Variants in ERBB4 observed in about 807,000 individuals in gnomAD.
The protein encoded by ERBB4 is receptor tyrosine-protein kinase erbB-4.
A neutral mutation model predicts 158.0 loss-of-function variants in ERBB4; 42 were observed. That is an observed-to-expected ratio of 0.27 (90% CI 0.21 to 0.34). The LOEUF (loss-of-function observed/expected upper bound fraction) is 0.34, where lower values mean the gene tolerates loss of function less well. ERBB4 is among the 10% of genes least tolerant of loss of function. The pLI is 1.00. For missense variants in ERBB4, 1,333 were observed against 1,624.1 expected, an observed-to-expected ratio of 0.82 and a Z score of 3.08; for synonymous variants, 583 against 558.7, an observed-to-expected ratio of 1.04 and a Z score of -0.61.
chr2:211,853,977 C>T, intron 3 of ERBB4, among the ~76,000 whole-genome samples: 1 of 152,056 alleles, frequency 6.6e-6, no homozygotes, highest in Non-Finnish European at 1.5e-5. Flanking sequence ...TCATTCTTAA[C>T]AATATGAACC....
chr2:211,727,083 T>C (rs968244938), intron 5 of ERBB4, among the ~76,000 whole-genome samples: 1 of 152,166 alleles, frequency 6.6e-6, no homozygotes, highest in African/African-American at 2.4e-5. Context: ...TCACTATTGC[T>C]TCTGAACAAG....
At chr2:212,297,529 G>A (rs1156852346) in intron 1 of ERBB4, among the ~76,000 whole-genome samples, 1 of 151,736 alleles carries the variant, frequency 6.6e-6, no homozygotes, top group African/African-American at 2.4e-5. Flanking sequence ...TTTTTATAAA[G>A]GGATAATATA....
chr2:212,279,092 A>C (rs2106143335), intron 1 of ERBB4, among the ~76,000 whole-genome samples: 1 of 151,718 alleles, frequency 6.6e-6, no homozygotes, highest in East Asian at 1.9e-4. Context: ...TTTTAATGCA[A>C]CATAATTTGC....
rs77226359 is a variant in ERBB4 at position 212,352,157 on chromosome 2, G to C, written c.82+186292C>G. Among the ~76,000 whole-genome samples the C allele has an allele frequency of 2.2e-3, 332 of 151,848 alleles. 1 individual carries two copies. Among genetic ancestry groups the C allele is most frequent in the Middle Eastern group, 0.01 (3 of 294 alleles). ...AAAAGAGGAAGACAACAAACACTGG[G>C]GCCTCCTTGAAAATGGAGGGTAGGA... is the stretch of plus-strand genomic sequence containing the variant. On this transcript the variant is annotated intron_variant, in intron 1 of 27. Coordinates refer to ENST00000342788, the MANE Select transcript of ERBB4 (RefSeq NM_005235.3).
intron 3 of ERBB4, among the ~76,000 whole-genome samples, chr2:211,888,697 G>A (rs62184535): frequency 1.3e-4 from 18 of 142,302 alleles, no homozygotes; most frequent in East Asian, 1.1e-3. Flanking sequence ...TGCGCGCACC[G>A]TGCGCGAGCC....
At chr2:212,175,163 TTTCAACTCC>T (rs1170081030) in intron 1 of ERBB4, among the ~76,000 whole-genome samples, 5 of 152,082 alleles carry the variant, frequency 3.3e-5, no homozygotes, top group Non-Finnish European at 5.9e-5. Context: ...ATTTTCTTAC[TTTCAACTCC>T]AGAAACAAGG....
At chr2:212,118,499 G>A (rs2079639019) in intron 2 of ERBB4, among the ~76,000 whole-genome samples, 1 of 152,140 alleles carries the variant, frequency 6.6e-6, no homozygotes. Flanking sequence ...TTTACTAGCA[G>A]TGGAAAAGTA....
At chr2:211,914,742 A>G (rs2079640647) in intron 3 of ERBB4, among the ~76,000 whole-genome samples, 1 of 152,212 alleles carries the variant, frequency 6.6e-6, no homozygotes, top group Non-Finnish European at 1.5e-5. Context: ...CTAAACAAAT[A>G]TAAGCCAAAT....
intron 2 of ERBB4, among the ~76,000 whole-genome samples, chr2:212,045,764 T>C (rs543926432): frequency 6.6e-6 from 1 of 152,314 alleles, no homozygotes; most frequent in South Asian, 2.1e-4. Flanking sequence ...AGAATAGCTT[T>C]TACAATCAAA....
At chr2:212,284,384 C>T (rs1022499078) in intron 1 of ERBB4, among the ~76,000 whole-genome samples, 1 of 152,018 alleles carries the variant, frequency 6.6e-6, no homozygotes, top group Non-Finnish European at 1.5e-5. Context: ...TTAATTCTGC[C>T]GTCAGTCCCA....
intron 3 of ERBB4, among the ~76,000 whole-genome samples, chr2:211,898,914 G>T (rs2079164277): frequency 6.6e-6 from 1 of 152,090 alleles, no homozygotes; most frequent in South Asian, 2.1e-4. Flanking sequence ...AAAACAAGTG[G>T]CATGGAATCT....
At chr2:211,749,329 C>T (rs943923759) in intron 5 of ERBB4, among the ~76,000 whole-genome samples, 2 of 152,156 alleles carry the variant, frequency 1.3e-5, no homozygotes, top group African/African-American at 4.8e-5. Flanking sequence ...CATACACATG[C>T]ATGGGTTGAA....
At chr2:211,565,790 C>T (rs981124493) in intron 19 of ERBB4, among the ~76,000 whole-genome samples, 1 of 152,046 alleles carries the variant, frequency 6.6e-6, no homozygotes, top group Non-Finnish European at 1.5e-5. Flanking sequence ...CATGGGAACA[C>T]GCCTGGAGAA....
chr2:211,983,826 G>A (rs1031779851), intron 2 of ERBB4, among the ~76,000 whole-genome samples: 1 of 151,906 alleles, frequency 6.6e-6, no homozygotes, highest in African/African-American at 2.4e-5. Flanking sequence ...TGAATATTGT[G>A]GAAGTTATCA....
At chr2:211,532,772 T>A (rs1341816069) in intron 20 of ERBB4, among the ~76,000 whole-genome samples, 1 of 151,824 alleles carries the variant, frequency 6.6e-6, no homozygotes, top group Admixed American at 6.6e-5. Context: ...ACATTTTGAG[T>A]GTTTAATCTT....
chr2:212,466,373 C>T (rs1688834427), intron 1 of ERBB4, among the ~76,000 whole-genome samples: 1 of 152,136 alleles, frequency 6.6e-6, no homozygotes, highest in Non-Finnish European at 1.5e-5. Flanking sequence ...GGCTCTGTGT[C>T]CCCACCCAAA....
intron 20 of ERBB4, among the ~76,000 whole-genome samples, chr2:211,488,983 G>A (rs2065273404): frequency 6.6e-6 from 1 of 152,066 alleles, no homozygotes; most frequent in Non-Finnish European, 1.5e-5. Context: ...GATTGCATTA[G>A]AGGTAAATAT....
rs2064552536 is a variant in ERBB4 at position 211,462,195 on chromosome 2, C to CAGGA, written c.2488-31099_2488-31096dup. ...GAGCTGGCACTTTACATGGCCAGAGCAGGAGAAAGAGGGGCAGGGGTGCTA... is the reference window on the plus strand; with the variant it reads ...GAGCTGGCACTTTACATGGCCAGAGCAGGAAGGAGAAAGAGGGGCAGGGGTGCTA... On this transcript the variant is annotated intron_variant, in intron 20 of 27. Transcript: ENST00000342788. 2.0e-5 allele frequency among the ~76,000 whole-genome samples: 3 copies of CAGGA among 151,926 alleles called. No homozygotes were observed. In the South Asian group the frequency reaches 6.3e-4, roughly 32 times the overall value.
At chr2:212,129,705 G>T (rs1379528685) in intron 1 of ERBB4, among the ~76,000 whole-genome samples, 2 of 151,732 alleles carry the variant, frequency 1.3e-5, no homozygotes, top group African/African-American at 2.4e-5. Context: ...TGGAAAATTT[G>T]AATAAGTATG....
Sources: gnomAD v4.1 joint callset for allele counts (sites outside exome capture counted in the v4.1 genomes callset) on GRCh38, gnomAD v4.1.1 for gene constraint, MANE v1.5 for transcripts, NCBI Gene and HGNC (gene_info 2026-07-23, HGNC 2026-07-21) for gene names.